The following MMP16 variants were observed in gnomAD, a reference collection of about 807,000 sequenced individuals.
MMP16 encodes matrix metallopeptidase 16, also known as matrix metalloproteinase-16.
A neutral mutation model predicts 67.8 loss-of-function variants in MMP16; 12 were observed. The observed-to-expected ratio is 0.18, with a 90% CI of 0.11 to 0.29. The LOEUF (loss-of-function observed/expected upper bound fraction) is 0.29, where lower values mean the gene tolerates loss of function less well. MMP16 is among the 10% of genes least tolerant of loss of function. The pLI is 1.00. For missense variants in MMP16, 475 were observed against 765.7 expected (o/e 0.62, Z 4.48); for synonymous variants, 249 against 255.9 (o/e 0.97, Z 0.26).
chr8:88,062,558 C>A (rs1384408348), intron 7 of MMP16, among the ~76,000 whole-genome samples: 3 of 150,184 alleles, frequency 2.0e-5, no homozygotes, highest in Non-Finnish European at 3.0e-5. Context: ...ATCGCAAGGA[C>A]AAAAAACCAA....
chr8:88,109,830 C>T (rs1320885378), intron 6 of MMP16, among the ~76,000 whole-genome samples: 2 of 150,922 alleles, frequency 1.3e-5, no homozygotes, highest in African/African-American at 4.8e-5. Flanking sequence ...ACATTTTTAA[C>T]ATGGAAAAGA....
At chr8:88,080,196 CA>C (rs1808722072) in intron 6 of MMP16, among the ~76,000 whole-genome samples, 1 of 152,126 alleles carries the variant, frequency 6.6e-6, no homozygotes. Flanking sequence ...TGCAGGAGTA[CA>C]ACACATTTAC....
rs1027577135 is a variant in MMP16, at chr8:88,034,242, A to AC, written c.*7218_*7219insG. The AC allele has an allele frequency of 4.8e-5, 7 of 146,070 alleles. No homozygotes were observed. The highest frequency in any genetic ancestry group is 1.7e-4 in the African/African-American group (7 of 40,924). 9.0% of individuals were successfully genotyped at this position (146,070 alleles called of 1,614,324 possible). A position where few individuals can be genotyped will look rare whatever the true frequency, so the allele number is the denominator to read the frequency against. ...GAAGGGAAAACCAAATCTGTGTAAA[A>AC]AAAAAAAAAAAAGGCAAGATAGGAA... On this transcript the variant is annotated 3_prime_UTR_variant, in exon 10 of 10. Transcript: ENST00000286614.
At chr8:88,078,746 C>G (rs966728105) in intron 6 of MMP16, among the ~76,000 whole-genome samples, 2 of 152,168 alleles carry the variant, frequency 1.3e-5, no homozygotes, top group South Asian at 2.1e-4. Context: ...ACTTTTACTT[C>G]TCTTCTGATA....
chr8:88,315,346 T>C (rs1476100815), intron 1 of MMP16, among the ~76,000 whole-genome samples: 3 of 152,190 alleles, frequency 2.0e-5, no homozygotes, highest in Non-Finnish European at 4.4e-5. Context: ...GTTAGTGTTC[T>C]TTTTCTTTTT....
At chr8:88,091,402 T>G (rs1463187602) in intron 6 of MMP16, among the ~76,000 whole-genome samples, 2 of 151,838 alleles carry the variant, frequency 1.3e-5, no homozygotes, top group Non-Finnish European at 2.9e-5. Context: ...AGGTTAATGC[T>G]CTTCCATTCA....
chr8:88,130,250 T>C (rs905094380), intron 4 of MMP16, among the ~76,000 whole-genome samples: 43 of 151,812 alleles, frequency 2.8e-4, no homozygotes, highest in African/African-American at 8.0e-4. Context: ...AATATTTTAG[T>C]AAAGTAGTGG....
At chr8:88,202,775 AAACT>A (rs1386915811) in intron 1 of MMP16, among the ~76,000 whole-genome samples, 1 of 152,138 alleles carries the variant, frequency 6.6e-6, no homozygotes, top group Non-Finnish European at 1.5e-5. Flanking sequence ...AATTACCAAA[AAACT>A]AACTACCTGT....
chr8:88,301,837 A>G (rs1245904550), intron 1 of MMP16, among the ~76,000 whole-genome samples: 1 of 152,252 alleles, frequency 6.6e-6, no homozygotes, highest in Non-Finnish European at 1.5e-5. Context: ...TCTTCAGGAA[A>G]TACGTTAATG....
chr8:88,267,026 T>G (rs1262203948), intron 1 of MMP16, among the ~76,000 whole-genome samples: 1 of 152,168 alleles, frequency 6.6e-6, no homozygotes, highest in African/African-American at 2.4e-5. Flanking sequence ...GTGTGATGAA[T>G]GCTAATTTCT....
chr8:88,222,481 C>A (rs1809698902), intron 1 of MMP16, among the ~76,000 whole-genome samples: 1 of 152,144 alleles, frequency 6.6e-6, no homozygotes, highest in Non-Finnish European at 1.5e-5. Context: ...CAGCATGGTA[C>A]TGGTACCAAA....
At chr8:88,149,205 G>T (rs911381577) in intron 4 of MMP16, among the ~76,000 whole-genome samples, 6 of 152,188 alleles carry the variant, frequency 3.9e-5, no homozygotes, top group Non-Finnish European at 7.3e-5. Flanking sequence ...GGCTCGGAGG[G>T]TCCTACACCC....
chr8:88,210,511 C>A (rs1439220782), intron 1 of MMP16, among the ~76,000 whole-genome samples: 1 of 152,090 alleles, frequency 6.6e-6, no homozygotes, highest in Non-Finnish European at 1.5e-5. Flanking sequence ...ACTGGGTTTA[C>A]TACCCGGTTA....
intron 1 of MMP16, among the ~76,000 whole-genome samples, chr8:88,296,719 C>T (rs1811018060): frequency 6.6e-6 from 1 of 151,370 alleles, no homozygotes; most frequent in African/African-American, 2.4e-5. Context: ...GGATGACATA[C>T]CTGTCATCCC....
At chr8:88,223,831 A>G (rs1416662288) in intron 1 of MMP16, among the ~76,000 whole-genome samples, 1 of 152,058 alleles carries the variant, frequency 6.6e-6, no homozygotes, top group Non-Finnish European at 1.5e-5. Context: ...CCTAGAACTT[A>G]AAGTATAATA....
At chr8:88,209,410 T>C (rs983227960) in intron 1 of MMP16, among the ~76,000 whole-genome samples, 8 of 152,188 alleles carry the variant, frequency 5.3e-5, no homozygotes, top group Admixed American at 1.3e-4. Context: ...TACTTATTGT[T>C]AGAATACAGT....
chr8:88,238,632 C>T (rs1461496868), intron 1 of MMP16, among the ~76,000 whole-genome samples: 4 of 143,094 alleles, frequency 2.8e-5, no homozygotes, highest in South Asian at 2.2e-4. Flanking sequence ...TGCCACTGCA[C>T]TCCAGCCTGG....
chr8:88,086,595 CAG>C (rs368682782), intron 6 of MMP16, among the ~76,000 whole-genome samples: 32 of 151,926 alleles, frequency 2.1e-4, no homozygotes, highest in African/African-American at 7.0e-4. Flanking sequence ...GCTGGGAAAA[CAG>C]TGTATTATTA....
At chr8:88,043,633 G>C (rs1335319323) in intron 9 of MMP16, among the ~76,000 whole-genome samples, 1 of 152,160 alleles carries the variant, frequency 6.6e-6, no homozygotes, top group Non-Finnish European at 1.5e-5. Flanking sequence ...AGATAGGGCA[G>C]ATGATTACTT....
Sources: gnomAD v4.1 joint callset for allele counts (sites outside exome capture counted in the v4.1 genomes callset) on GRCh38, gnomAD v4.1.1 for gene constraint, MANE v1.5 for transcripts, NCBI Gene and HGNC (gene_info 2026-07-23, HGNC 2026-07-21) for gene names.